Variants in KANK1 observed in about 807,000 individuals in gnomAD.
KANK1 encodes KN motif and ankyrin repeat domain-containing protein 1.
A neutral mutation model predicts 106.2 loss-of-function variants in KANK1; 109 were observed. That is an observed-to-expected ratio of 1.03 (90% CI 0.88 to 1.20). The LOEUF (loss-of-function observed/expected upper bound fraction) is 1.20, where lower values mean the gene tolerates loss of function less well. KANK1 is among the 50% of genes most tolerant of loss of function. The pLI, the probability that KANK1 is intolerant of heterozygous loss-of-function variation, is 0.00. For synonymous variants in KANK1, 873 were observed against 652.2 expected (o/e 1.34, Z -5.16); for missense variants, 2,399 against 1,710.7 (o/e 1.40, Z -7.10).
chr9:665,207 A>G (rs1004482994), intron 1 of KANK1, among the ~76,000 whole-genome samples: 1 of 152,042 alleles, frequency 6.6e-6, no homozygotes, highest in African/African-American at 2.4e-5. Flanking sequence ...TTTGTTGCCT[A>G]TGCTTTTGAG....
At chr9:483,303 A>G (rs1272405756) in intron 3 of KANK1, among the ~76,000 whole-genome samples, 1 of 152,172 alleles carries the variant, frequency 6.6e-6, no homozygotes, top group Non-Finnish European at 1.5e-5. Context: ...CCACATTTGA[A>G]TCATCTGGGG....
chr9:581,247 T>C (rs1385770002), intron 1 of KANK1, among the ~76,000 whole-genome samples: 1 of 152,158 alleles, frequency 6.6e-6, no homozygotes, highest in African/African-American at 2.4e-5. Flanking sequence ...GCTGAAGGGC[T>C]CCTCAAGCAC....
At chr9:643,097 A>G (rs570774924) in intron 1 of KANK1, among the ~76,000 whole-genome samples, 1 of 150,928 alleles carries the variant, frequency 6.6e-6, no homozygotes, top group Non-Finnish European at 1.5e-5. Context: ...TCAGATCACC[A>G]TTTGGAAAGA....
chr9:542,495 A>G (rs749909179), intron 1 of KANK1, among the ~76,000 whole-genome samples: 15 of 152,248 alleles, frequency 9.9e-5, no homozygotes, highest in Admixed American at 1.3e-4. Context: ...AAATAGTATG[A>G]GTATGGAAGT....
rs148628393 is a variant in KANK1, at chr9:711,053, A to G, written c.287A>G (p.Asn96Ser). The G allele has an allele frequency of 1.7e-4, 274 of 1,614,146 alleles. No homozygotes were observed. In the Middle Eastern group the frequency reaches 2.0e-3, roughly 12 times the overall value. Residue 96 changes from asparagine (N) to serine (S), a missense_variant, in exon 3 of 12, where the codon AAC becomes AGC. By Grantham distance (46) the Asn-to-Ser change is conservative (BLOSUM62 1). Transcript: ENST00000382297. Reference sequence around the variant, plus strand: ...TCCACTGAATCCCTCTCATCCTCCAACAGTGATGACAACAAGCAGTGCCCC... The same window carrying G: ...TCCACTGAATCCCTCTCATCCTCCAGCAGTGATGACAACAAGCAGTGCCCC... Reference protein sequence around the residue: ...WTSTESLSSSNSDDNKQCPNF... With the variant: ...WTSTESLSSSSSDDNKQCPNF...
At chr9:628,594 G>A (rs2136663547) in intron 1 of KANK1, among the ~76,000 whole-genome samples, 1 of 152,280 alleles carries the variant, frequency 6.6e-6, no homozygotes, top group Middle Eastern at 3.4e-3. Flanking sequence ...GAACCACAGT[G>A]GTGGTGAGTT....
At chr9:731,433 G>T (rs1004276716) in intron 5 of KANK1, 167 bp downstream of exon 5, 5 of 514,586 alleles carry the variant, frequency 9.7e-6, no homozygotes, top group Admixed American at 3.5e-5. Flanking sequence ...TTCCTCCTCT[G>T]GTGCTGTCTT....
intron 1 of KANK1, among the ~76,000 whole-genome samples, chr9:654,012 C>G (rs536548571): frequency 6.6e-6 from 1 of 152,308 alleles, no homozygotes; most frequent in Admixed American, 6.5e-5. Flanking sequence ...GTTCATTATG[C>G]CCTTTCATGC....
intron 1 of KANK1, among the ~76,000 whole-genome samples, chr9:646,176 G>T (rs1839630540): frequency 6.6e-6 from 1 of 150,664 alleles, no homozygotes; most frequent in East Asian, 1.9e-4. Context: ...ACACCACAAG[G>T]AAATAGGTGG....
chr9:484,731 T>C (rs2058262249), intron 3 of KANK1, among the ~76,000 whole-genome samples: 1 of 152,136 alleles, frequency 6.6e-6, no homozygotes, highest in African/African-American at 2.4e-5. Flanking sequence ...GAATGGGGTA[T>C]GGAGAGGGAA....
intron 1 of KANK1, among the ~76,000 whole-genome samples, chr9:663,114 C>G (rs145290162): frequency 3.3e-5 from 5 of 152,226 alleles, no homozygotes; most frequent in Admixed American, 2.0e-4. Context: ...GAAGGTCATA[C>G]AAGAATCCAA....
intron 2 of KANK1, among the ~76,000 whole-genome samples, chr9:691,544 A>G (rs972972734): frequency 9.3e-5 from 14 of 150,926 alleles, no homozygotes; most frequent in Non-Finnish European, 1.9e-4. Context: ...TGCGGGCATG[A>G]GCCACTGCAC....
At position 697,438 on chromosome 9, in the gene KANK1, G is replaced by A. The variant is rs58177979; in HGVS notation, c.38-13366G>A. Among the ~76,000 whole-genome samples the A allele has an allele frequency of 9.1e-3, 1,385 of 152,154 alleles. 16 individuals are homozygous for A. The highest frequency in any genetic ancestry group is 0.031 in the African/African-American group (1,275 of 41,482). On this transcript the variant is annotated intron_variant, in intron 2 of 11. Coordinates refer to ENST00000382297, the MANE Select transcript of KANK1 (RefSeq NM_015158.5). ...CTTTTAGGCTTTATTCTTTAAAATG[G>A]AGCTCCTGGCACATGACTTTGCAAG... is the stretch of plus-strand genomic sequence containing the variant.
intron 1 of KANK1, among the ~76,000 whole-genome samples, chr9:544,572 A>C (rs1250819870): frequency 2.0e-5 from 3 of 152,196 alleles, no homozygotes; most frequent in Non-Finnish European, 4.4e-5. Context: ...CAAAGTGAGG[A>C]CGTAACATAT....
intron 3 of KANK1, 94 bp from the exon 4 acceptor site, chr9:729,957 C>G (rs780524593): frequency 1.1e-4 from 119 of 1,075,562 alleles, no homozygotes; most frequent in African/African-American, 2.0e-4. Flanking sequence ...ATAATAGTCC[C>G]ATTTTAAATT....
intron 2 of KANK1, among the ~76,000 whole-genome samples, chr9:696,915 A>G (rs1383736672): frequency 1.3e-5 from 2 of 152,194 alleles, no homozygotes; most frequent in Admixed American, 1.3e-4. Flanking sequence ...GGCTGACTGC[A>G]CTCGTGCACC....
intron 1 of KANK1, among the ~76,000 whole-genome samples, chr9:621,083 C>G (rs1833040446): frequency 6.6e-6 from 1 of 152,130 alleles, no homozygotes; most frequent in African/African-American, 2.4e-5. Flanking sequence ...GAAATCTAAG[C>G]TATTCAATTC....
At chr9:649,478 A>C (rs781308133) in intron 1 of KANK1, among the ~76,000 whole-genome samples, 3 of 152,208 alleles carry the variant, frequency 2.0e-5, no homozygotes, top group Admixed American at 6.5e-5. Context: ...AGCTGAGCTG[A>C]TTTACAGAGT....
rs1820408290 is a variant in KANK1, at chr9:575,848, T to C, written c.-84+71094T>C. Among the ~76,000 whole-genome samples, 3 of 152,174 alleles carry C rather than the reference T, an allele frequency of 2.0e-5. No homozygotes were observed. In the South Asian group the frequency reaches 6.2e-4, roughly 32 times the overall value. On this transcript the variant is annotated intron_variant, in intron 1 of 11. Coordinates refer to ENST00000382297, the MANE Select transcript of KANK1 (RefSeq NM_015158.5). ...GACCAGCCTGGTCAACATGGTGAAA[T>C]CCTGTCTCTATTAAAAATACAAAAA...
Sources: allele counts gnomAD v4.1 joint callset (sites outside exome capture counted in the v4.1 genomes callset), GRCh38; gene constraint gnomAD v4.1.1; transcripts MANE v1.5; gene names NCBI Gene and HGNC (gene_info 2026-07-23, HGNC 2026-07-21).